The following FSTL5 variants were observed in gnomAD, a reference collection of about 807,000 sequenced individuals.
FSTL5 encodes the protein follistatin-related protein 5.
A neutral mutation model predicts 89.1 loss-of-function variants in FSTL5; 62 were observed. The ratio of observed to expected loss-of-function variants is 0.70; its 90% CI spans 0.57 to 0.86. The LOEUF is 0.86. Ranked by LOEUF, FSTL5 falls within the 40% of genes least tolerant of loss-of-function variation. The pLI is 0.00. For synonymous variants in FSTL5, 383 were observed against 346.2 expected, an observed-to-expected ratio of 1.11 and a Z score of -1.18; for missense variants, 1,057 against 1,001.6, an observed-to-expected ratio of 1.06 and a Z score of -0.75.
intron 15 of FSTL5, among the ~76,000 whole-genome samples, chr4:161,399,130 G>A (rs1731098500): frequency 6.6e-6 from 1 of 152,092 alleles, no homozygotes. Flanking sequence ...TACATGCTCA[G>A]AGGTTAACTG....
intron 4 of FSTL5, among the ~76,000 whole-genome samples, chr4:161,855,870 A>G (rs956157043): frequency 2.6e-5 from 4 of 152,114 alleles, no homozygotes; most frequent in African/African-American, 4.8e-5. Context: ...ATTTGGGCTG[A>G]GTTGGAAAAA....
intron 8 of FSTL5, among the ~76,000 whole-genome samples, chr4:161,544,617 T>C (rs1332377617): frequency 6.6e-6 from 1 of 151,848 alleles, no homozygotes; most frequent in East Asian, 1.9e-4. Flanking sequence ...TTTGACACAG[T>C]TAAATGGCAT....
rs1553983476 is a variant in FSTL5 at position 161,929,685 on chromosome 4, G to GTGTGTGTGTGTGTA, written c.161-9034_161-9033insTACACACACACACA. 2.7e-3 allele frequency among the ~76,000 whole-genome samples: 406 copies of GTGTGTGTGTGTGTA among 149,204 alleles called. 1 individual carries two copies. The highest frequency in any genetic ancestry group is 9.3e-3 in the African/African-American group (376 of 40,294). On this transcript the variant is annotated intron_variant, in intron 3 of 15. Transcript: ENST00000306100. ...CGTGTGTGTGTGTGTGTGTGTGTGTGTGTGTGTGTGTGTGTGTACATAGTT... is the reference window on the plus strand; with the variant it reads ...CGTGTGTGTGTGTGTGTGTGTGTGTGTGTGTGTGTGTGTATGTGTGTGTGTGTGTGTACATAGTT...
intron 6 of FSTL5, among the ~76,000 whole-genome samples, chr4:161,673,686 C>T (rs972771517): frequency 6.6e-6 from 1 of 151,836 alleles, no homozygotes; most frequent in African/African-American, 2.4e-5. Flanking sequence ...TCAAATGTCA[C>T]TATTTTTATA....
At chr4:162,052,925 T>C (rs1738429669) in intron 2 of FSTL5, among the ~76,000 whole-genome samples, 1 of 151,780 alleles carries the variant, frequency 6.6e-6, no homozygotes, top group African/African-American at 2.4e-5. Context: ...CAAGAAAATA[T>C]GTTTTATAAT....
At chr4:161,963,906 T>C (rs143358443) in intron 3 of FSTL5, among the ~76,000 whole-genome samples, 1,541 of 152,044 alleles carry the variant, frequency 0.01, 16 homozygotes, top group Non-Finnish European at 0.017. Flanking sequence ...CTGATTGTAA[T>C]AGTGATCTTA....
intron 15 of FSTL5, among the ~76,000 whole-genome samples, chr4:161,394,502 C>T (rs1265313897): frequency 6.6e-6 from 1 of 152,102 alleles, no homozygotes; most frequent in Middle Eastern, 3.2e-3. Flanking sequence ...GTCTAGATCC[C>T]CTGACCTCGT....
At chr4:161,838,532 C>T (rs540433222) in intron 4 of FSTL5, among the ~76,000 whole-genome samples, 1 of 152,238 alleles carries the variant, frequency 6.6e-6, no homozygotes, top group East Asian at 1.9e-4. Context: ...GATCCGCCTA[C>T]CTCAGCCTCC....
intron 3 of FSTL5, among the ~76,000 whole-genome samples, chr4:161,986,567 A>C (rs948786966): frequency 6.6e-6 from 1 of 152,160 alleles, no homozygotes; most frequent in South Asian, 2.1e-4. Flanking sequence ...ATAAATAATA[A>C]AATAGAGGAA....
At chr4:161,785,661 G>A (rs569505689) in intron 4 of FSTL5, among the ~76,000 whole-genome samples, 2 of 152,070 alleles carry the variant, frequency 1.3e-5, no homozygotes, top group Non-Finnish European at 2.9e-5. Flanking sequence ...ACTTTGGTTT[G>A]GACTAAACCC....
chr4:161,892,479 C>T, intron 4 of FSTL5, among the ~76,000 whole-genome samples: 1 of 142,322 alleles, frequency 7.0e-6, no homozygotes, highest in East Asian at 2.0e-4. Flanking sequence ...GGAACACCAT[C>T]AAAGTTCTTT....
At chr4:161,970,952 G>T (rs532589242) in intron 3 of FSTL5, among the ~76,000 whole-genome samples, 1 of 151,908 alleles carries the variant, frequency 6.6e-6, no homozygotes, top group South Asian at 2.1e-4. Context: ...TTTCATTTGT[G>T]TACTCTCTTT....
At chr4:162,114,120 A>G (rs559481540) in intron 1 of FSTL5, among the ~76,000 whole-genome samples, 1 of 152,288 alleles carries the variant, frequency 6.6e-6, no homozygotes, top group Admixed American at 6.5e-5. Context: ...ATTTCCACTG[A>G]TGCTACAAAG....
chr4:161,721,308 A>AAAAG (rs869094228), intron 6 of FSTL5, among the ~76,000 whole-genome samples: 1 of 137,858 alleles, frequency 7.3e-6, no homozygotes, highest in Non-Finnish European at 1.5e-5. Context: ...AAAAAAAAAA[A>AAAAG]TTTTTCTAAG....
At chr4:161,560,255 T>C (rs1365622066) in intron 8 of FSTL5, among the ~76,000 whole-genome samples, 1 of 151,920 alleles carries the variant, frequency 6.6e-6, no homozygotes, top group Non-Finnish European at 1.5e-5. Context: ...ATGGTACTCC[T>C]GTATAGCGCA....
At chr4:162,026,331 G>A (rs1462252787) in intron 3 of FSTL5, among the ~76,000 whole-genome samples, 1 of 3,242 alleles carries the variant, frequency 3.1e-4, no homozygotes, top group African/African-American at 1.1e-3. Flanking sequence ...TTTTTGAGAC[G>A]GAGTTTTCCT....
intron 4 of FSTL5, among the ~76,000 whole-genome samples, chr4:161,812,188 A>T (rs1053800564): frequency 2.0e-5 from 3 of 152,224 alleles, no homozygotes; most frequent in African/African-American, 7.2e-5. Flanking sequence ...ATATTAACAG[A>T]TGTTTCATTT....
At chr4:161,693,357 AT>A (rs1289098881) in intron 6 of FSTL5, among the ~76,000 whole-genome samples, 1 of 152,124 alleles carries the variant, frequency 6.6e-6, no homozygotes, top group East Asian at 1.9e-4. Flanking sequence ...TTTTTGTAAG[AT>A]TTTGAGTAGT....
At chr4:162,101,008 C>A (rs953915953) in intron 2 of FSTL5, among the ~76,000 whole-genome samples, 2 of 152,084 alleles carry the variant, frequency 1.3e-5, no homozygotes, top group Non-Finnish European at 2.9e-5. Context: ...AGTGACAGAC[C>A]CACCTTTGAA....
Sources: gnomAD v4.1 joint callset for allele counts (sites outside exome capture counted in the v4.1 genomes callset) on GRCh38, gnomAD v4.1.1 for gene constraint, MANE v1.5 for transcripts, NCBI Gene and HGNC (gene_info 2026-07-23, HGNC 2026-07-21) for gene names.